The following RPS6KA6 variants were observed in gnomAD, a reference collection of about 807,000 sequenced individuals.
RPS6KA6 encodes the protein ribosomal protein S6 kinase A6.
RPS6KA6 carries 27 observed loss-of-function variants against 65.4 expected under a neutral mutation model. That is an observed-to-expected ratio of 0.41 (90% confidence interval 0.30 to 0.57). The LOEUF is 0.57. Ranked by LOEUF, RPS6KA6 falls within the 20% of genes least tolerant of loss-of-function variation. The pLI is 0.24. For missense variants in RPS6KA6, 486 were observed against 555.6 expected, an observed-to-expected ratio of 0.87 and a Z score of 1.26; for synonymous variants, 190 against 184.2, an observed-to-expected ratio of 1.03 and a Z score of -0.26.
intron 10 of RPS6KA6, 91 bp downstream of exon 10, chrX:84,117,293 C>G: frequency 1.5e-6 from 1 of 672,740 alleles, no homozygotes; most frequent in East Asian, 3.7e-5. Flanking sequence ...GAAAAAGGTA[C>G]TCTTGTATTA....
chrX:84,074,554 G>T (rs2033617322), intron 20 of RPS6KA6, among the ~76,000 whole-genome samples: 1 of 111,817 alleles, frequency 8.9e-6, no homozygotes, highest in Admixed American at 9.5e-5. Context: ...AATGTTTAAG[G>T]TGATGGATAA....
At chrX:84,157,227 A>AG (rs1164167345) in intron 2 of RPS6KA6, among the ~76,000 whole-genome samples, 1 of 111,287 alleles carries the variant, frequency 9.0e-6, no homozygotes, top group Non-Finnish European at 1.9e-5. Flanking sequence ...CACTATCTCA[A>AG]GGGGGGTACC....
chrX:84,163,733 T>C (rs1480389532), intron 2 of RPS6KA6, among the ~76,000 whole-genome samples: 5 of 111,081 alleles, frequency 4.5e-5, no homozygotes, highest in Non-Finnish European at 9.4e-5. Flanking sequence ...ATGTAGATGC[T>C]GATTTAGTCA....
rs191229933 is a variant in RPS6KA6, at chrX:84,099,288, T to C, written c.1777-1440A>G. On this transcript the variant is annotated intron_variant, in intron 18 of 21. Transcript: ENST00000262752. ...GTAAAGAAGAAACAGTCCACTTTTT[T>C]TCTAGAGCTAGTCTCAATGCCCTAG... Among the ~76,000 whole-genome samples the C allele has an allele frequency of 1.5e-3, 167 of 111,635 alleles. 1 individual carries two copies. The highest frequency in any genetic ancestry group is 5.0e-3 in the African/African-American group (154 of 30,870).
At chrX:84,127,771 T>C (rs772391118) in intron 8 of RPS6KA6, among the ~76,000 whole-genome samples, 30 of 108,123 alleles carry the variant, frequency 2.8e-4, no homozygotes, top group Non-Finnish European at 5.7e-4. Flanking sequence ...CAACATCTCT[T>C]CATGATAAAA....
At chrX:84,089,015 G>C (rs1290830310) in intron 20 of RPS6KA6, among the ~76,000 whole-genome samples, 3 of 111,274 alleles carry the variant, frequency 2.7e-5, no homozygotes, top group Non-Finnish European at 5.7e-5. Context: ...GCAGTAACTG[G>C]TGCCACTCCT....
In RPS6KA6 at chrX:84,147,073, A is replaced by G; in HGVS notation, c.341-15T>C. ...TCTGTCTCGAACTAAAAATTACATA[A>G]AGGTACAATATATTGCTCTCTTACA... On this transcript the variant is annotated splice_polypyrimidine_tract_variant and intron_variant, in intron 4 of 21. Transcript: ENST00000262752. 1.0e-6 allele frequency: 1 copy of G among 977,786 alleles called. No individual in the cohort carries two copies. Among genetic ancestry groups the G allele is most frequent in the Non-Finnish European group, 1.4e-6 (1 of 691,664 alleles). 80.6% of individuals were successfully genotyped at this position (977,786 alleles called of 1,213,427 possible).
rs1452059458 is a variant in RPS6KA6 at position 84,059,112 on chromosome X, TTC to T, written c.*5163_*5164del. 5 of 92,245 alleles carry T rather than the reference TTC, an allele frequency of 5.4e-5. No homozygotes were observed. In the East Asian group the frequency reaches 1.1e-3, roughly 20 times the overall value. 7.6% of individuals were successfully genotyped at this position (92,245 alleles called of 1,213,427 possible). Reference sequence around the variant, plus strand: ...GTAACTTTTTAAATGGCTGTTTCTTTTCTTTTTTTTTTTTTTTTTTTTTTTTT... The same window carrying T: ...GTAACTTTTTAAATGGCTGTTTCTTTTTTTTTTTTTTTTTTTTTTTTTTTT... On this transcript the variant is annotated 3_prime_UTR_variant, in exon 22 of 22. Coordinates refer to ENST00000262752, the MANE Select transcript of RPS6KA6 (RefSeq NM_014496.5).
chrX:84,175,861 C>A (rs1256357851), intron 1 of RPS6KA6, among the ~76,000 whole-genome samples: 1 of 110,813 alleles, frequency 9.0e-6, no homozygotes, highest in Admixed American at 9.7e-5. Context: ...AAATTGAGAG[C>A]AATAACCAAA....
At chrX:84,168,399 G>T (rs2035630242) in intron 1 of RPS6KA6, among the ~76,000 whole-genome samples, 1 of 110,980 alleles carries the variant, frequency 9.0e-6, no homozygotes, top group African/African-American at 3.3e-5. Context: ...AATACAAAAA[G>T]GAATTCTTGA....
chrX:84,077,533 C>G (rs947067691), intron 20 of RPS6KA6, among the ~76,000 whole-genome samples: 1 of 111,321 alleles, frequency 9.0e-6, no homozygotes, highest in South Asian at 3.7e-4. Context: ...AAAAGTGGTA[C>G]TGGAACAACT....
In RPS6KA6 at chrX:84,138,978, T is replaced by C. The variant is rs190414836; in HGVS notation, c.502-3768A>G. Among the ~76,000 whole-genome samples the C allele has an allele frequency of 3.1e-3, 344 of 112,217 alleles. 2 individuals are homozygous for C. Among genetic ancestry groups the C allele is most frequent in the Non-Finnish European group, 5.2e-3 (276 of 53,244 alleles). On this transcript the variant is annotated intron_variant, in intron 6 of 21. Transcript: ENST00000262752. ...TAAGGTATAAAAACATGTCCTCATT[T>C]TGGATTAACAATTTTTTGTACACAC...
intron 1 of RPS6KA6, among the ~76,000 whole-genome samples, chrX:84,182,828 T>C (rs778833048): frequency 8.9e-6 from 1 of 111,886 alleles, no homozygotes; most frequent in African/African-American, 3.2e-5. Context: ...AATACAGATG[T>C]CCCTGCTCTC....
At chrX:84,087,869 C>T (rs2033959783) in intron 20 of RPS6KA6, among the ~76,000 whole-genome samples, 1 of 111,907 alleles carries the variant, frequency 8.9e-6, no homozygotes, top group Admixed American at 9.5e-5. Flanking sequence ...TCTTTTTTCT[C>T]TATTCTTGTT....
intron 17 of RPS6KA6, among the ~76,000 whole-genome samples, chrX:84,103,383 G>T (rs192432419): frequency 9.0e-6 from 1 of 110,644 alleles, no homozygotes; most frequent in Admixed American, 9.6e-5. Flanking sequence ...ATGTAGGACT[G>T]GTAAAAAAAA....
chrX:84,104,991 C>A (rs2034328934), intron 16 of RPS6KA6, among the ~76,000 whole-genome samples: 1 of 110,879 alleles, frequency 9.0e-6, no homozygotes, highest in African/African-American at 3.3e-5. Flanking sequence ...TGTATTATAG[C>A]TACTTCTCTT....
chrX:84,146,834 A>G (rs1336730658), intron 5 of RPS6KA6, 144 bp downstream of exon 5: 1 of 338,298 alleles, frequency 3.0e-6, no homozygotes, highest in Non-Finnish European at 5.1e-6. Flanking sequence ...ATTTCAGACA[A>G]ATACATTTTA....
chrX:84,076,217 A>T (rs1249676668), intron 20 of RPS6KA6, among the ~76,000 whole-genome samples: 2 of 111,301 alleles, frequency 1.8e-5, no homozygotes, highest in Non-Finnish European at 3.8e-5. Context: ...GGCTTCACTG[A>T]TGAATCCCAA....
intron 1 of RPS6KA6, among the ~76,000 whole-genome samples, chrX:84,176,770 A>G (rs2035775867): frequency 8.9e-6 from 1 of 111,824 alleles, no homozygotes; most frequent in Non-Finnish European, 1.9e-5. Context: ...GTCCTACACC[A>G]TATTACTCTA....
Sources: allele counts gnomAD v4.1 joint callset (sites outside exome capture counted in the v4.1 genomes callset), GRCh38; gene constraint gnomAD v4.1.1; transcripts MANE v1.5; gene names NCBI Gene and HGNC (gene_info 2026-07-23, HGNC 2026-07-21).